The following THYN1 variants were observed in gnomAD, a reference collection of about 807,000 sequenced individuals.
THYN1 encodes thymocyte nuclear protein 1.
THYN1 carries 32 observed loss-of-function variants against 30.6 expected under a neutral mutation model. The observed-to-expected ratio is 1.05, with a 90% CI of 0.79 to 1.40. The LOEUF (loss-of-function observed/expected upper bound fraction) is 1.40, where lower values mean the gene tolerates loss of function less well. Ranked by LOEUF, THYN1 falls within the 40% of genes most tolerant of loss-of-function variation. The pLI, the probability that THYN1 is intolerant of heterozygous loss-of-function variation, is 0.00. For synonymous variants in THYN1, 107 were observed against 90.8 expected (o/e 1.18, Z -1.01); for missense variants, 259 against 272.6 (o/e 0.95, Z 0.35).
Position 134,248,427 on chromosome 11 carries a change from C to T in THYN1, c.*11G>A. On this transcript the variant is annotated 3_prime_UTR_variant, in exon 7 of 7. Transcript: ENST00000341541. Reference sequence around the variant, plus strand: ...AGCAATGTCTCGCCCATTCCAGCAGCAGTATCTCAGTTAACTTGGTTCCTT... The same window carrying T: ...AGCAATGTCTCGCCCATTCCAGCAGTAGTATCTCAGTTAACTTGGTTCCTT... The T allele has an allele frequency of 6.2e-7, 1 of 1,613,994 alleles. No individual in the cohort carries two copies. Among genetic ancestry groups the T allele is most frequent in the Non-Finnish European group, 8.5e-7 (1 of 1,180,008 alleles).
At chr11:134,249,991 G>T in intron 3 of THYN1, 71 bp from the exon 4 acceptor site, 4 of 1,472,574 alleles carry the variant, frequency 2.7e-6, no homozygotes, top group Non-Finnish European at 3.7e-6. Context: ...CAGAAATCAA[G>T]TCTGCTTTTA....
At position 134,248,364 on chromosome 11, in the gene THYN1, C is replaced by T. The variant is rs1555058931; in HGVS notation, c.*74G>A. The stretch of plus-strand genomic sequence containing the variant: ...CAGGTAAGCATACCAAGCAAGCCCC[C>T]TCACACCTTTTGTCTGAAAAAAGCT... On this transcript the variant is annotated 3_prime_UTR_variant, in exon 7 of 7. Coordinates refer to ENST00000341541, the MANE Select transcript of THYN1 (RefSeq NM_014174.3). 1 of 1,573,562 alleles carries T rather than the reference C, an allele frequency of 6.4e-7. No homozygotes were observed. The highest frequency in any genetic ancestry group is 8.7e-7 in the Non-Finnish European group (1 of 1,143,174).
Position 134,253,164 on chromosome 11 carries a change from T to G in THYN1, c.-282A>C. 1 of 1,348,806 alleles carries G rather than the reference T, an allele frequency of 7.4e-7. No individual in the cohort carries two copies. Among genetic ancestry groups the G allele is most frequent in the South Asian group, 1.9e-5 (1 of 53,660 alleles). 83.6% of individuals were successfully genotyped at this position (1,348,806 alleles called of 1,614,324 possible). ...AGGAACCCCTATCTCAGTATGTAGT[T>G]CACTGGGAAGTGGCTCCACAGAGAC... On this transcript the variant is annotated 5_prime_UTR_variant, in exon 1 of 7. Transcript: ENST00000341541.
intron 2 of THYN1, 141 bp from the exon 3 acceptor site, chr11:134,250,484 CCACA>C: frequency 3.6e-6 from 3 of 833,092 alleles, no homozygotes; most frequent in Non-Finnish European, 5.7e-6. Context: ...GGAAGTGGCT[CCACA>C]GAGACACTTT....
At chr11:134,252,772 G>A in intron 1 of THYN1, 68 bp downstream of exon 1, 2 of 1,564,112 alleles carry the variant, frequency 1.3e-6, no homozygotes, top group East Asian at 2.2e-5. Context: ...TGAAAAATGA[G>A]TACTAAACAG....
Position 134,253,187 on chromosome 11 carries a change from G to A in THYN1, c.-305C>T, listed in dbSNP as rs192774809. 1,250 of 1,331,394 alleles carry A rather than the reference G, an allele frequency of 9.4e-4. 11 individuals carry two copies. The highest frequency in any genetic ancestry group is 2.8e-4 in the Middle Eastern group (1 of 3,530). The allele number at this position is 1,331,394 out of a possible 1,614,324, so 82.5% of individuals were successfully genotyped here. On this transcript the variant is annotated 5_prime_UTR_variant, in exon 1 of 7. Coordinates refer to ENST00000341541, the MANE Select transcript of THYN1 (RefSeq NM_014174.3). ...GTTCACTGGGAAGTGGCTCCACAGA[G>A]ACACTTTTGTTGGGTGAATATAAGT...
At chr11:134,250,252 C>T (rs372949840) in intron 3 of THYN1, 23 bp downstream of exon 3, 137 of 1,613,796 alleles carry the variant, frequency 8.5e-5, no homozygotes, top group Non-Finnish European at 1.1e-4. Context: ...GGGTCTCAGG[C>T]GACCTCCTCC....
chr11:134,248,752 G>A, intron 6 of THYN1, 57 bp downstream of exon 6: 2 of 1,600,308 alleles, frequency 1.2e-6, no homozygotes, highest in South Asian at 1.1e-5. Flanking sequence ...GCTAGTAAGT[G>A]GGAATTCATG....
At chr11:134,249,637 C>A (rs745732666) in intron 4 of THYN1, among the ~76,000 whole-genome samples, 191 bp downstream of exon 4, 1 of 151,416 alleles carries the variant, frequency 6.6e-6, no homozygotes, top group Admixed American at 6.6e-5. Flanking sequence ...CTAGTCGGAC[C>A]TGAATGAAGG....
intron 4 of THYN1, among the ~76,000 whole-genome samples, chr11:134,249,555 T>A (rs1157632397): frequency 6.6e-6 from 1 of 152,222 alleles, no homozygotes; most frequent in East Asian, 1.9e-4. Flanking sequence ...TTTATCCTGA[T>A]AAGCTTGGAG....
chr11:134,252,151 C>A (rs1939103783), intron 1 of THYN1, among the ~76,000 whole-genome samples: 1 of 152,194 alleles, frequency 6.6e-6, no homozygotes, highest in Non-Finnish European at 1.5e-5. Flanking sequence ...AAAGTCCCTA[C>A]ATCAATTGTC....
At chr11:134,251,070 A>C in intron 2 of THYN1, 60 bp downstream of exon 2, 2 of 1,508,348 alleles carry the variant, frequency 1.3e-6, no homozygotes, top group Non-Finnish European at 8.9e-7. Context: ...ATGGTGTCCC[A>C]TATTCACTTC....
chr11:134,251,521 A>G (rs1565364487), intron 1 of THYN1: 6 of 562,848 alleles, frequency 1.1e-5, no homozygotes, highest in African/African-American at 1.9e-5. Flanking sequence ...TATCTATTCA[A>G]TAGGGTAAGA....
intron 2 of THYN1, among the ~76,000 whole-genome samples, chr11:134,250,804 T>C (rs773895838): frequency 1.3e-5 from 2 of 152,150 alleles, no homozygotes; most frequent in Non-Finnish European, 2.9e-5. Context: ...TGAATAAAGT[T>C]GAACTTGAAC....
In THYN1 at chr11:134,248,358, A is replaced by C; in HGVS notation, c.*80T>G. 1 of 1,523,800 alleles carries C rather than the reference A, an allele frequency of 6.6e-7. No homozygotes were observed. Among genetic ancestry groups the C allele is most frequent in the Non-Finnish European group, 9.1e-7 (1 of 1,097,856 alleles). The allele number at this position is 1,523,800 out of a possible 1,614,324, so 94.4% of individuals were successfully genotyped here. A position where few individuals can be genotyped will look rare whatever the true frequency, so the allele number is the denominator to read the frequency against. On this transcript the variant is annotated 3_prime_UTR_variant, in exon 7 of 7. Coordinates refer to ENST00000341541, the MANE Select transcript of THYN1 (RefSeq NM_014174.3). Reference sequence around the variant, plus strand: ...CAAGCCCAGGTAAGCATACCAAGCAAGCCCCCTCACACCTTTTGTCTGAAA... The same window carrying C: ...CAAGCCCAGGTAAGCATACCAAGCACGCCCCCTCACACCTTTTGTCTGAAA...
chr11:134,250,364 T>G, intron 2 of THYN1, 21 bp from the exon 3 acceptor site: 1 of 1,613,876 alleles, frequency 6.2e-7, no homozygotes, highest in Non-Finnish European at 8.5e-7. Flanking sequence ...GGAAATAAAT[T>G]CAATCATTAA....
intron 5 of THYN1, 33 bp from the exon 6 acceptor site, chr11:134,248,992 G>T: frequency 6.2e-7 from 1 of 1,611,978 alleles, no homozygotes; most frequent in Non-Finnish European, 8.5e-7. Context: ...ACAGAAAGAC[G>T]TGTCTAGGCT....
In THYN1 at chr11:134,249,157, T is replaced by C. The variant is rs76175248; in HGVS notation, c.480+10A>G. The C allele has an allele frequency of 1.7e-3, 2,694 of 1,607,658 alleles. 19 individuals carry two copies. In the East Asian group the frequency reaches 0.02, roughly 12 times the overall value. On this transcript the variant is annotated intron_variant, in intron 5 of 6. Transcript: ENST00000341541. ...TTCCCCTGTCATGAAATAGAAAGCA[T>C]AGTCTTTACCATGGACCACTTAGGG... is the stretch of plus-strand genomic sequence containing the variant.
At chr11:134,251,467 A>C (rs1255260293) in intron 1 of THYN1, 159 bp from the exon 2 acceptor site, 18 of 808,596 alleles carry the variant, frequency 2.2e-5, no homozygotes, top group Non-Finnish European at 2.1e-5. Flanking sequence ...CCTTATCTAT[A>C]AAAATTAGAC....
Sources: gnomAD v4.1 joint callset for allele counts (sites outside exome capture counted in the v4.1 genomes callset) on GRCh38, gnomAD v4.1.1 for gene constraint, MANE v1.5 for transcripts, NCBI Gene and HGNC (gene_info 2026-07-23, HGNC 2026-07-21) for gene names.